The following SEMA4G variants were observed in gnomAD, a reference collection of about 807,000 sequenced individuals.
The protein encoded by SEMA4G is semaphorin-4G.
In SEMA4G, 59 loss-of-function variants were observed where a neutral mutation model predicts 81.2. The ratio of observed to expected loss-of-function variants is 0.73; its 90% CI spans 0.59 to 0.90. The LOEUF (loss-of-function observed/expected upper bound fraction) is 0.90. Ranked by LOEUF, SEMA4G falls within the 40% of genes least tolerant of loss-of-function variation. The pLI, the probability that SEMA4G is intolerant of heterozygous loss-of-function variation, is 0.00. For missense variants in SEMA4G, 952 were observed against 1,102.3 expected, an observed-to-expected ratio of 0.86 and a Z score of 1.93; for synonymous variants, 404 against 433.9, an observed-to-expected ratio of 0.93 and a Z score of 0.86.
exon 1 of SEMA4G, chr10:100,972,854 C>G (rs897234872): frequency 2.7e-5 from 42 of 1,558,148 alleles, no homozygotes; most frequent in Non-Finnish European, 3.5e-5. Flanking sequence ...TCCCCGCCCC[C>G]ACAACCTGTG....
chr10:100,980,092 G>T (rs779373894), intron 9 of SEMA4G, 30 bp from the exon 11 acceptor site: 1 of 1,613,030 alleles, frequency 6.2e-7, no homozygotes, highest in Admixed American at 1.7e-5. Flanking sequence ...GTGGAGTCCC[G>T]AGGTTCACCA....
Position 100,978,655 on chromosome 10 carries a change from G to A in SEMA4G, c.643+15G>A, listed in dbSNP as rs1314825521. Reference sequence around the variant, plus strand: ...TTGGCTCAATGGTTAGGAGGATGAGGCACAGGATGATGGGGGGTAGGGGAC... The same window carrying A: ...TTGGCTCAATGGTTAGGAGGATGAGACACAGGATGATGGGGGGTAGGGGAC... On this transcript the variant is annotated intron_variant, in intron 6 of 13. Coordinates refer to ENST00000370250, the Ensembl canonical transcript of SEMA4G. The A allele has an allele frequency of 3.7e-6, 6 of 1,607,210 alleles. No individual in the cohort carries two copies. Among genetic ancestry groups the A allele is most frequent in the Non-Finnish European group, 5.1e-6 (6 of 1,173,764 alleles).
intron 13 of SEMA4G, 165 bp downstream of exon 14, chr10:100,981,394 T>C: frequency 6.2e-7 from 1 of 1,612,890 alleles, no homozygotes; most frequent in Non-Finnish European, 8.5e-7. Context: ...CAACAAACAT[T>C]TACTGCCCAA....
rs891460938 is a variant in SEMA4G at position 100,980,541 on chromosome 10, A to C, written c.1352-37A>C. 1.9e-6 allele frequency: 3 copies of C among 1,564,632 alleles called. No homozygotes were observed. The African/African-American group carries it at 4.1e-5, about 21-fold the overall frequency. On this transcript the variant is annotated intron_variant, in intron 10 of 13. Transcript: ENST00000370250. ...TTGCAGGGTGCTGAGAGCAGATCCC[A>C]TAGTTGGGGTCTAACTCTCTGCTCT...
exon 8 of SEMA4G, chr10:100,979,194 G>C: frequency 1.2e-6 from 2 of 1,614,208 alleles, no homozygotes; most frequent in Non-Finnish European, 1.7e-6. Context: ...ATGAGACACT[G>C]CGTGGGGTCT....
chr10:100,973,318 C>T lies in SEMA4G; in HGVS notation c.273+41C>T, dbSNP rs1850688030. On this transcript the variant is annotated intron_variant, in intron 2 of 13. Coordinates refer to ENST00000370250, the Ensembl canonical transcript of SEMA4G. This position sits in a 1 kb window ranked among gnomAD's most constrained non-coding sequence, Gnocchi z 5.5. ...CTGGACCACCCAGAGGGTCTCTATG[C>T]TTATCCAGCTCCCTGGGACCTCAAC... 6 of 1,606,432 alleles carry T rather than the reference C, an allele frequency of 3.7e-6. No homozygotes were observed. The highest frequency in any genetic ancestry group is 3.3e-5 in the South Asian group (3 of 90,760).
At chr10:100,971,119 TG>T (rs2133853748), upstream of SEMA4G, among the ~76,000 whole-genome samples, 1 of 4,894 alleles carries the variant, frequency 2.0e-4, no homozygotes, top group African/African-American at 1.1e-3. Flanking sequence ...TGTGAACATG[TG>T]TGTGTGTGTG....
At chr10:100,978,679 ACTATTT>A (rs1256897213) in intron 6 of SEMA4G, 39 bp downstream of exon 7, 2 of 1,589,692 alleles carry the variant, frequency 1.3e-6, no homozygotes, top group Admixed American at 3.3e-5. Context: ...GGGGTAGGGG[ACTATTT>A]CTTCATTTTT....
chr10:100,979,496 C>T (rs1166269019), intron 8 of SEMA4G: 2 of 1,222,296 alleles, frequency 1.6e-6, no homozygotes, highest in East Asian at 2.6e-5. Flanking sequence ...GATTATCCTG[C>T]CTCGGCCTCC....
At chr10:100,969,713 A>T (rs1589976014), upstream of SEMA4G, 1 of 377,984 alleles carries the variant, frequency 2.6e-6, no homozygotes, top group Non-Finnish European at 5.5e-6. Context: ...CTTTCTCACC[A>T]CCAAGTCCCC....
exon 6 of SEMA4G, chr10:100,978,614 A>C: frequency 6.2e-7 from 1 of 1,614,032 alleles, no homozygotes; most frequent in Non-Finnish European, 8.5e-7. Flanking sequence ...CTGAGAACTG[A>C]GGAGACACCA....
At chr10:100,972,568 G>A (rs1414497874) in exon 1 of SEMA4G, 2 of 219,622 alleles carry the variant, frequency 9.1e-6, no homozygotes, top group Non-Finnish European at 1.8e-5. Context: ...TCTACTGTCG[G>A]GGGCAGGGTG....
chr10:100,984,544 G>C, exon 14 of SEMA4G: 1 of 1,536,158 alleles, frequency 6.5e-7, no homozygotes, highest in Non-Finnish European at 8.7e-7. Flanking sequence ...GCATGGCCCT[G>C]TGTGCTGGAT....
chr10:100,981,672 CCATT>C, intron 13 of SEMA4G: 1 of 1,176,774 alleles, frequency 8.5e-7, no homozygotes, highest in Non-Finnish European at 1.2e-6. Context: ...GAGAAAGGTG[CCATT>C]ATTATTATCC....
At chr10:100,980,918 G>C in exon 12 of SEMA4G, 5 of 1,612,302 alleles carry the variant, frequency 3.1e-6, no homozygotes, top group Non-Finnish European at 4.2e-6. Flanking sequence ...CTTGGCCCGA[G>C]ACCCCTACTG....
chr10:100,977,864 C>T, intron 4 of SEMA4G, 134 bp downstream of exon 5: 1 of 734,552 alleles, frequency 1.4e-6, no homozygotes, highest in East Asian at 2.7e-5. Flanking sequence ...ATACAGGGCA[C>T]TCCAGTGGCG....
At chr10:100,983,760 C>T (rs138505815) in exon 14 of SEMA4G, 6 of 1,610,414 alleles carry the variant, frequency 3.7e-6, no homozygotes, top group South Asian at 1.1e-5. Context: ...CTCACTGGGT[C>T]GGGCCAGCCG....
In SEMA4G at chr10:100,979,478, G is replaced by A. The variant is rs944485849; in HGVS notation, c.983+207G>A. 1.8e-5 allele frequency: 24 copies of A among 1,352,786 alleles called. No individual in the cohort carries two copies. The African/African-American group carries it at 2.9e-4, about 17-fold the overall frequency. 83.8% of individuals were successfully genotyped at this position (1,352,786 alleles called of 1,614,324 possible). A position where few individuals can be genotyped will look rare whatever the true frequency, so the allele number is the denominator to read the frequency against. On this transcript the variant is annotated intron_variant, in intron 8 of 13. Coordinates refer to ENST00000370250, the Ensembl canonical transcript of SEMA4G. Reference sequence around the variant, plus strand: ...GCTCACTGCAATCTCCGCCTCCCGGGTTCAAGTGATTATCCTGCCTCGGCC... The same window carrying A: ...GCTCACTGCAATCTCCGCCTCCCGGATTCAAGTGATTATCCTGCCTCGGCC...
intron 3 of SEMA4G, 80 bp from the exon 5 acceptor site, chr10:100,977,552 G>A: frequency 8.7e-7 from 1 of 1,147,472 alleles, no homozygotes; most frequent in Non-Finnish European, 1.3e-6. Flanking sequence ...GGGGGCAAGA[G>A]CCAAACTACA....
Sources: gnomAD v4.1 joint callset for allele counts (sites outside exome capture counted in the v4.1 genomes callset) on GRCh38, gnomAD v4.1.1 for gene constraint, Gnocchi (gnomAD v3.1) non-coding constraint, MANE v1.5 for transcripts, NCBI Gene and HGNC (gene_info 2026-07-23, HGNC 2026-07-21) for gene names.